The following DMD variants were observed in gnomAD, a reference collection of about 807,000 sequenced individuals.
DMD encodes dystrophin.
A neutral mutation model predicts 330.1 loss-of-function variants in DMD; 63 were observed. The ratio of observed to expected loss-of-function variants is 0.19; its 90% CI spans 0.16 to 0.24. The LOEUF (loss-of-function observed/expected upper bound fraction) is 0.24, where lower values mean the gene tolerates loss of function less well. DMD is among the 10% of genes least tolerant of loss of function. The probability of loss-of-function intolerance (pLI) is 1.00; values close to 1 mark genes in which losing one functional copy is unlikely to be tolerated. For missense variants in DMD, 3,344 were observed against 2,684.1 expected, an observed-to-expected ratio of 1.25 and a Z score of -5.43; for synonymous variants, 1,223 against 959.8, an observed-to-expected ratio of 1.27 and a Z score of -5.07.
intron 1 of DMD, among the ~76,000 whole-genome samples, chrX:33,314,711 C>T (rs775431239): frequency 1.6e-4 from 17 of 108,485 alleles, no homozygotes; most frequent in African/African-American, 5.4e-4. Context: ...TTCATGGCCC[C>T]TTTCCTCCAT....
chrX:33,056,499 T>TACAG (rs763722572), intron 1 of DMD, among the ~76,000 whole-genome samples: 3 of 110,499 alleles, frequency 2.7e-5, no homozygotes, highest in African/African-American at 9.9e-5. Context: ...TAGCTGGGAC[T>TACAG]ACAGGCATGC....
rs1557064304 is a variant in DMD at position 32,013,093 on chromosome X, C to CTATTTTTTTT, written c.6439-44580_6439-44579insAAAAAAAATA. Among the ~76,000 whole-genome samples the CTATTTTTTTT allele has an allele frequency of 9.8e-5, 6 of 61,198 alleles. 1 individual carries two copies. The highest frequency in any genetic ancestry group is 4.9e-4 in the African/African-American group (6 of 12,317). The allele number at this position is 61,198 out of a possible 115,157, so 53.1% of individuals were successfully genotyped here. ...GGAAATTAATCTTTTCTTTTCTTTC[C>CTATTTTTTTT]TTTTTTTTTTTTTGAGATGGAATCT... On this transcript the variant is annotated intron_variant, in intron 44 of 78. Coordinates refer to ENST00000357033, the MANE Select transcript of DMD (RefSeq NM_004006.3).
At chrX:32,786,820 T>C (rs775054841) in intron 7 of DMD, among the ~76,000 whole-genome samples, 7 of 112,082 alleles carry the variant, frequency 6.2e-5, no homozygotes, top group Admixed American at 9.5e-5. Flanking sequence ...GCAATTTACA[T>C]AAACTCTTCA....
chrX:33,198,178 T>A (rs2051064460), intron 1 of DMD, among the ~76,000 whole-genome samples: 1 of 111,482 alleles, frequency 9.0e-6, no homozygotes, highest in South Asian at 3.7e-4. Context: ...TAATGGCTAG[T>A]GAAGCTGAAC....
chrX:31,303,923 C>G (rs901092591), intron 62 of DMD, among the ~76,000 whole-genome samples: 2 of 111,876 alleles, frequency 1.8e-5, no homozygotes, highest in Admixed American at 1.9e-4. Flanking sequence ...CCAAATGTAC[C>G]CTTTACATCT....
intron 64 of DMD, among the ~76,000 whole-genome samples, chrX:31,217,318 C>G (rs141285297): frequency 0.02 from 2,279 of 111,731 alleles, 20 homozygotes; most frequent in Middle Eastern, 0.037. Context: ...TGATTACAAA[C>G]TGGGGACATT....
chrX:31,586,343 A>G (rs1455863089), intron 55 of DMD, among the ~76,000 whole-genome samples: 1 of 112,674 alleles, frequency 8.9e-6, no homozygotes, highest in Non-Finnish European at 1.9e-5. Context: ...ACTAACACAT[A>G]ATGTTTGAAA....
chrX:32,738,227 G>C (rs1397461537), intron 7 of DMD, among the ~76,000 whole-genome samples: 5 of 111,528 alleles, frequency 4.5e-5, no homozygotes, highest in African/African-American at 1.6e-4. Context: ...AACTGAGTTT[G>C]GTTTTGGATG....
chrX:33,182,943 TTAAGAA>T, intron 1 of DMD, among the ~76,000 whole-genome samples: 1 of 111,926 alleles, frequency 8.9e-6, no homozygotes, highest in South Asian at 3.7e-4. Flanking sequence ...TTAGAAAAAA[TTAAGAA>T]TGAGTTTTTC....
chrX:33,314,570 GTTT>G (rs1170142842), intron 1 of DMD, among the ~76,000 whole-genome samples: 1 of 79,052 alleles, frequency 1.3e-5, no homozygotes, highest in African/African-American at 4.8e-5. Context: ...TTTTTTTTTT[GTTT>G]TTTTTTTTTT....
chrX:32,125,496 G>T (rs958857662), intron 44 of DMD, among the ~76,000 whole-genome samples: 7 of 111,790 alleles, frequency 6.3e-5, no homozygotes, highest in African/African-American at 2.3e-4. Flanking sequence ...ATACATTTAA[G>T]TGGAGATGTC....
At chrX:32,669,038 C>T (rs1389373095) in intron 9 of DMD, among the ~76,000 whole-genome samples, 1 of 110,898 alleles carries the variant, frequency 9.0e-6, no homozygotes, top group Non-Finnish European at 1.9e-5. Context: ...TAGATTCCTA[C>T]CACAGAGTGT....
intron 54 of DMD, among the ~76,000 whole-genome samples, chrX:31,646,666 C>A: frequency 9.0e-6 from 1 of 111,721 alleles, no homozygotes; most frequent in East Asian, 2.8e-4. Context: ...TTGCCTTCAG[C>A]TGTAGGTAAC....
chrX:32,814,861 C>A (rs1218679319), intron 6 of DMD, among the ~76,000 whole-genome samples: 3 of 111,406 alleles, frequency 2.7e-5, no homozygotes, highest in Non-Finnish European at 5.7e-5. Context: ...CAACAAGGAC[C>A]ACATAACCTG....
chrX:32,237,476 C>T (rs2037449159), intron 43 of DMD, among the ~76,000 whole-genome samples: 1 of 111,067 alleles, frequency 9.0e-6, no homozygotes, highest in Non-Finnish European at 1.9e-5. Flanking sequence ...ATCTTTCTGG[C>T]ACCACTTTGC....
chrX:31,726,207 C>T (rs571704304), intron 52 of DMD, among the ~76,000 whole-genome samples: 1 of 112,426 alleles, frequency 8.9e-6, no homozygotes, highest in South Asian at 3.7e-4. Context: ...ACAGATACCA[C>T]GGTAATAGTT....
chrX:31,250,957 C>T (rs780181001), intron 63 of DMD, among the ~76,000 whole-genome samples: 2 of 109,890 alleles, frequency 1.8e-5, no homozygotes, highest in South Asian at 8.0e-4. Context: ...TGGTGCACAC[C>T]TGTAATCCCA....
intron 52 of DMD, among the ~76,000 whole-genome samples, chrX:31,725,742 G>T (rs1029843622): frequency 8.9e-6 from 1 of 112,041 alleles, no homozygotes; most frequent in East Asian, 2.8e-4. Context: ...GGTAGTGGTG[G>T]GGGTTACGGA....
At chrX:32,484,385 ACTTTTAT>A (rs746144940) in intron 21 of DMD, among the ~76,000 whole-genome samples, 3 of 112,273 alleles carry the variant, frequency 2.7e-5, no homozygotes, top group Non-Finnish European at 5.6e-5. Flanking sequence ...TAATTGCTCC[ACTTTTAT>A]CTTTTATCAT....
Sources: allele counts gnomAD v4.1 joint callset (sites outside exome capture counted in the v4.1 genomes callset), GRCh38; gene constraint gnomAD v4.1.1; transcripts MANE v1.5; gene names NCBI Gene and HGNC (gene_info 2026-07-23, HGNC 2026-07-21).